Variants in ANXA10 observed in about 807,000 individuals in gnomAD.
ANXA10 encodes annexin 14.
In ANXA10, 49 loss-of-function variants were observed where a neutral mutation model predicts 53.5. That is an observed-to-expected ratio of 0.92 (90% confidence interval 0.73 to 1.16). The LOEUF (loss-of-function observed/expected upper bound fraction) is 1.16, where lower values mean the gene tolerates loss of function less well. Ranked by LOEUF, ANXA10 falls within the 50% of genes most tolerant of loss-of-function variation. ANXA10 has a pLI of 0.00. For missense variants in ANXA10, 393 were observed against 394.4 expected (o/e 1.00, Z 0.03); for synonymous variants, 131 against 128.9 (o/e 1.02, Z -0.11).
At chr4:168,175,953 C>A (rs548474919) in intron 6 of ANXA10, among the ~76,000 whole-genome samples, 8 of 152,240 alleles carry the variant, frequency 5.3e-5, no homozygotes, top group African/African-American at 1.9e-4. Flanking sequence ...TCTAAAATGG[C>A]AAATTTCATC....
At chr4:168,168,401 T>C (rs1259773782) in intron 6 of ANXA10, among the ~76,000 whole-genome samples, 1 of 152,114 alleles carries the variant, frequency 6.6e-6, no homozygotes, top group East Asian at 1.9e-4. Flanking sequence ...TTTAAATCTG[T>C]ATTTAGTGTA....
chr4:168,101,095 C>T (rs769505782), intron 1 of ANXA10, among the ~76,000 whole-genome samples: 9 of 151,976 alleles, frequency 5.9e-5, no homozygotes, highest in Non-Finnish European at 1.3e-4. Context: ...GGCTGTTTCT[C>T]ATGAATGGTT....
chr4:168,099,162 A>C (rs561082497), intron 1 of ANXA10, among the ~76,000 whole-genome samples: 3 of 152,266 alleles, frequency 2.0e-5, no homozygotes, highest in African/African-American at 7.2e-5. Context: ...TGTAAATCAT[A>C]TTGTATTTTA....
At chr4:168,146,382 C>T (rs904427499) in intron 3 of ANXA10, among the ~76,000 whole-genome samples, 2 of 152,180 alleles carry the variant, frequency 1.3e-5, no homozygotes, top group East Asian at 3.8e-4. Context: ...TGAGGACCTA[C>T]AGAACTCTAT....
At chr4:168,175,951 G>A (rs923267251) in intron 6 of ANXA10, among the ~76,000 whole-genome samples, 13 of 152,096 alleles carry the variant, frequency 8.5e-5, no homozygotes, top group African/African-American at 3.1e-4. Context: ...AATCTAAAAT[G>A]GCAAATTTCA....
At chr4:168,103,680 G>T (rs775802655) in intron 1 of ANXA10, among the ~76,000 whole-genome samples, 63 of 151,870 alleles carry the variant, frequency 4.1e-4, no homozygotes, top group Middle Eastern at 3.4e-3. Flanking sequence ...GAATAAAATT[G>T]TCAACATCGA....
At chr4:168,130,287 G>A (rs576091040) in intron 2 of ANXA10, among the ~76,000 whole-genome samples, 2 of 152,090 alleles carry the variant, frequency 1.3e-5, no homozygotes, top group East Asian at 3.9e-4. Context: ...ATTTTTAAAT[G>A]GTGAAACTGC....
chr4:168,153,632 T>G (rs1005042001), intron 3 of ANXA10, among the ~76,000 whole-genome samples: 5 of 152,056 alleles, frequency 3.3e-5, no homozygotes, highest in Admixed American at 6.6e-5. Flanking sequence ...AACAAGTTAC[T>G]TAAGGTTTTG....
chr4:168,163,328 A>T (rs1488256389), intron 4 of ANXA10, among the ~76,000 whole-genome samples: 2 of 152,182 alleles, frequency 1.3e-5, no homozygotes, highest in Non-Finnish European at 2.9e-5. Flanking sequence ...TGTTGAAATC[A>T]TTCCAGTACG....
At chr4:168,148,093 GA>G (rs1195149325) in intron 3 of ANXA10, among the ~76,000 whole-genome samples, 1 of 152,150 alleles carries the variant, frequency 6.6e-6, no homozygotes, top group Non-Finnish European at 1.5e-5. Flanking sequence ...CCTTGAGCCA[GA>G]GGTCAGAACC....
At chr4:168,139,672 C>G (rs2149472132) in intron 3 of ANXA10, 92 bp downstream of exon 3, 4 of 835,312 alleles carry the variant, frequency 4.8e-6, no homozygotes, top group African/African-American at 1.7e-5. Context: ...TTCAATCTCA[C>G]AGATTGCAAA....
intron 6 of ANXA10, among the ~76,000 whole-genome samples, chr4:168,167,587 C>G (rs927268928): frequency 2.0e-5 from 3 of 152,204 alleles, no homozygotes; most frequent in Non-Finnish European, 4.4e-5. Context: ...TTAGAGTCCT[C>G]ATATTTTGTT....
intron 2 of ANXA10, among the ~76,000 whole-genome samples, chr4:168,132,822 T>C (rs1731175853): frequency 1.3e-5 from 2 of 152,108 alleles, no homozygotes; most frequent in African/African-American, 4.8e-5. Context: ...AATAATTATG[T>C]TCTTGCCTAG....
intron 1 of ANXA10, among the ~76,000 whole-genome samples, chr4:168,116,703 A>G (rs1560961946): frequency 1.3e-5 from 2 of 152,192 alleles, no homozygotes; most frequent in Admixed American, 6.5e-5. Context: ...ATAACTGAGA[A>G]AAACATCCCA....
chr4:168,094,641 A>AT (rs1271576667), intron 1 of ANXA10, among the ~76,000 whole-genome samples: 1 of 152,130 alleles, frequency 6.6e-6, no homozygotes, highest in East Asian at 1.9e-4. Flanking sequence ...CTGATGCAGT[A>AT]TATATAACAT....
At chr4:168,133,863 C>A (rs1020319911) in intron 2 of ANXA10, among the ~76,000 whole-genome samples, 3 of 151,894 alleles carry the variant, frequency 2.0e-5, no homozygotes, top group Non-Finnish European at 4.4e-5. Flanking sequence ...GTTCATTATG[C>A]CCAAATTTTC....
intron 3 of ANXA10, 109 bp from the exon 4 acceptor site, chr4:168,162,416 GTTA>G (rs1398415220): frequency 5.3e-6 from 4 of 752,044 alleles, no homozygotes; most frequent in African/African-American, 5.2e-5. Context: ...TTGTTATGCT[GTTA>G]TTATTAAATG....
At chr4:168,168,045 C>T (rs769073593) in intron 6 of ANXA10, among the ~76,000 whole-genome samples, 1 of 152,164 alleles carries the variant, frequency 6.6e-6, no homozygotes, top group Non-Finnish European at 1.5e-5. Flanking sequence ...CTGAGCTTAT[C>T]TCTTTCTTGT....
At chr4:168,142,204 G>A (rs1317044130) in intron 3 of ANXA10, among the ~76,000 whole-genome samples, 2 of 151,918 alleles carry the variant, frequency 1.3e-5, no homozygotes, top group Admixed American at 6.6e-5. Context: ...TGAGTAACCC[G>A]CTCATGTCTA....
Sources: gnomAD v4.1 joint callset for allele counts (sites outside exome capture counted in the v4.1 genomes callset) on GRCh38, gnomAD v4.1.1 for gene constraint, MANE v1.5 for transcripts, NCBI Gene and HGNC (gene_info 2026-07-23, HGNC 2026-07-21) for gene names.